TLE1: variants seen among roughly 807,000 people sequenced by gnomAD.
TLE1 encodes transducin-like enhancer protein 1.
A neutral mutation model predicts 89.8 loss-of-function variants in TLE1; 21 were observed. That is an observed-to-expected ratio of 0.23 (90% CI 0.17 to 0.34). The LOEUF is 0.34. TLE1 is among the 10% of genes least tolerant of loss of function. The pLI, the probability that TLE1 is intolerant of heterozygous loss-of-function variation, is 1.00. For missense variants in TLE1, 795 were observed against 1,031.2 expected, an observed-to-expected ratio of 0.77 and a Z score of 3.14; for synonymous variants, 447 against 407.6, an observed-to-expected ratio of 1.10 and a Z score of -1.16.
At chr9:81,681,746 TCTA>T (rs1833656977) in intron 4 of TLE1, among the ~76,000 whole-genome samples, 1 of 151,878 alleles carries the variant, frequency 6.6e-6, no homozygotes, top group South Asian at 2.1e-4. Context: ...AGTAGTTTTA[TCTA>T]CCCATGGCCT....
At chr9:81,605,097 G>A (rs1831455952) in intron 14 of TLE1, among the ~76,000 whole-genome samples, 3 of 152,180 alleles carry the variant, frequency 2.0e-5, no homozygotes, top group Admixed American at 6.5e-5. Context: ...GTCTATGAAT[G>A]GCAACTGTGC....
intron 4 of TLE1, among the ~76,000 whole-genome samples, chr9:81,655,290 G>A (rs1414229632): frequency 6.6e-6 from 1 of 152,076 alleles, no homozygotes; most frequent in Admixed American, 6.5e-5. Flanking sequence ...TTGAACGAGG[G>A]AGGTGCAGGC....
intron 8 of TLE1, among the ~76,000 whole-genome samples, chr9:81,632,031 A>C (rs1826687480): frequency 6.6e-6 from 1 of 152,148 alleles, no homozygotes. Flanking sequence ...CGGAGGTTGC[A>C]GTGAGCCGAG....
intron 14 of TLE1, among the ~76,000 whole-genome samples, chr9:81,603,766 C>T (rs963077141): frequency 2.0e-5 from 3 of 152,158 alleles, no homozygotes; most frequent in Non-Finnish European, 4.4e-5. Flanking sequence ...CTTTGGGAGG[C>T]CAAGGTGGGT....
chr9:81,668,021 G>A (rs183763894), intron 4 of TLE1, among the ~76,000 whole-genome samples: 220 of 152,170 alleles, frequency 1.4e-3, no homozygotes, highest in South Asian at 8.3e-3. Context: ...AAAATTAGCC[G>A]GGCGTGGTGG....
At chr9:81,644,450 G>C (rs1369405187) in intron 6 of TLE1, among the ~76,000 whole-genome samples, 1 of 152,156 alleles carries the variant, frequency 6.6e-6, no homozygotes, top group Non-Finnish European at 1.5e-5. Flanking sequence ...CTAAGTAAAA[G>C]AAGCCAGGCA....
intron 9 of TLE1, among the ~76,000 whole-genome samples, 167 bp downstream of exon 9, chr9:81,620,274 T>C (rs1462558596): frequency 1.3e-5 from 2 of 152,148 alleles, no homozygotes; most frequent in Non-Finnish European, 2.9e-5. Context: ...GGCAGAAGCA[T>C]AATTTACAGC....
chr9:81,674,976 G>GA (rs1243665734), intron 4 of TLE1, among the ~76,000 whole-genome samples: 1 of 152,088 alleles, frequency 6.6e-6, no homozygotes, highest in Non-Finnish European at 1.5e-5. Flanking sequence ...ACAACATAGT[G>GA]AGACCTCATC....
chr9:81,606,302 C>A (rs1831642966), intron 14 of TLE1, among the ~76,000 whole-genome samples: 1 of 152,178 alleles, frequency 6.6e-6, no homozygotes, highest in Non-Finnish European at 1.5e-5. Context: ...AATCATGCTG[C>A]TATAAAGACA....
At chr9:81,597,971 G>A (rs1322923556) in intron 14 of TLE1, among the ~76,000 whole-genome samples, 1 of 152,098 alleles carries the variant, frequency 6.6e-6, no homozygotes, top group African/African-American at 2.4e-5. Context: ...TGTTTACAGG[G>A]TTGTTGGTTT....
chr9:81,659,969 C>T (rs752594591), intron 4 of TLE1, among the ~76,000 whole-genome samples: 8 of 152,098 alleles, frequency 5.3e-5, no homozygotes, highest in Non-Finnish European at 1.2e-4. Context: ...CGCCAATAAA[C>T]GCACTCTTCT....
intron 6 of TLE1, among the ~76,000 whole-genome samples, chr9:81,640,002 C>A (rs983565740): frequency 6.6e-6 from 1 of 152,142 alleles, no homozygotes; most frequent in African/African-American, 2.4e-5. Flanking sequence ...CCCTCCCCTC[C>A]CTGCTTCAGG....
At chr9:81,607,302 T>C (rs2132011106) in intron 14 of TLE1, among the ~76,000 whole-genome samples, 1 of 151,618 alleles carries the variant, frequency 6.6e-6, no homozygotes, top group African/African-American at 2.4e-5. Flanking sequence ...TTAATAAGCA[T>C]GATATTACTT....
intron 6 of TLE1, among the ~76,000 whole-genome samples, chr9:81,642,632 T>G (rs1482361389): frequency 6.6e-6 from 1 of 151,762 alleles, no homozygotes; most frequent in Non-Finnish European, 1.5e-5. Context: ...AGATAGAGGT[T>G]GCAGTGAGCC....
chr9:81,687,258 C>G (rs986148557), intron 2 of TLE1, 76 bp downstream of exon 2: 1 of 1,270,122 alleles, frequency 7.9e-7, no homozygotes, highest in South Asian at 1.3e-5. Flanking sequence ...TAAGTACAGG[C>G]GCCGCCGCCA....
At position 81,583,747 on chromosome 9, in the gene TLE1, C is replaced by A; in HGVS notation, c.*451G>T. On this transcript the variant is annotated 3_prime_UTR_variant, in exon 20 of 20. Coordinates refer to ENST00000376499, the MANE Select transcript of TLE1 (RefSeq NM_005077.5). ...ATTTACAATTTATACAAATGTTTAA[C>A]CTTCAACAAAAATACAAAAAAACAT... 6.3e-6 allele frequency: 1 copy of A among 159,296 alleles called. No individual in the cohort carries two copies. The highest frequency in any genetic ancestry group is 1.8e-4 in the South Asian group (1 of 5,432). 9.9% of individuals were successfully genotyped at this position (159,296 alleles called of 1,614,324 possible).
intron 4 of TLE1, among the ~76,000 whole-genome samples, chr9:81,670,395 G>A (rs1832063500): frequency 6.6e-6 from 1 of 152,044 alleles, no homozygotes; most frequent in Non-Finnish European, 1.5e-5. Flanking sequence ...GGGCAATCTT[G>A]GCTCACTGCA....
chr9:81,591,411 C>CCCA (rs1829472482), intron 15 of TLE1, among the ~76,000 whole-genome samples: 1 of 152,186 alleles, frequency 6.6e-6, no homozygotes, highest in African/African-American at 2.4e-5. Flanking sequence ...AAACTGCAGG[C>CCCA]CCATCCTCTA....
chr9:81,618,538 A>G (rs745436692), intron 9 of TLE1, among the ~76,000 whole-genome samples: 1 of 152,192 alleles, frequency 6.6e-6, no homozygotes, highest in South Asian at 2.1e-4. Context: ...ATTACAACCA[A>G]TGAGGAAGCC....
Sources: gnomAD v4.1 joint callset for allele counts (sites outside exome capture counted in the v4.1 genomes callset) on GRCh38, gnomAD v4.1.1 for gene constraint, MANE v1.5 for transcripts, NCBI Gene and HGNC (gene_info 2026-07-23, HGNC 2026-07-21) for gene names.